The following PDE4D variants were observed in gnomAD, a reference collection of about 807,000 sequenced individuals.
PDE4D encodes the protein phosphodiesterase 4D.
A neutral mutation model predicts 87.4 loss-of-function variants in PDE4D; 24 were observed. The ratio of observed to expected loss-of-function variants is 0.27; its 90% CI spans 0.20 to 0.39. PDE4D has a LOEUF of 0.39. Among genes scored for constraint, PDE4D ranks in the 10% least tolerant of loss-of-function variants. PDE4D has a pLI of 1.00. For missense variants in PDE4D, 714 were observed against 1,041.0 expected (o/e 0.69, Z 4.32); for synonymous variants, 384 against 383.2 (o/e 1.00, Z -0.02).
At chr5:59,423,035 T>C (rs1794698802) in intron 1 of PDE4D, among the ~76,000 whole-genome samples, 1 of 152,174 alleles carries the variant, frequency 6.6e-6, no homozygotes, top group African/African-American at 2.4e-5. Flanking sequence ...CTCTCCAAAA[T>C]GAAATAAAGA....
At chr5:59,609,546 A>G (rs1828707323) in intron 1 of PDE4D, among the ~76,000 whole-genome samples, 1 of 152,168 alleles carries the variant, frequency 6.6e-6, no homozygotes, top group African/African-American at 2.4e-5. Context: ...TTCTGCCACA[A>G]TGACTGGGAA....
At chr5:59,009,751 T>C (rs566949998) in intron 6 of PDE4D, among the ~76,000 whole-genome samples, 1 of 152,164 alleles carries the variant, frequency 6.6e-6, no homozygotes, top group South Asian at 2.1e-4. Flanking sequence ...ACTATACCTC[T>C]AGAAAGAGTA....
rs78402168 is a variant in PDE4D at position 59,759,179 on chromosome 5, T to C, written c.455+133989A>G. The stretch of plus-strand genomic sequence containing the variant: ...GAAAAAAAAAGTGCTGAAACTCCTT[T>C]AGTTATCTGAATACATAGGAGCTTT... On this transcript the variant is annotated intron_variant, in intron 1 of 14. Transcript: ENST00000340635. Among the ~76,000 whole-genome samples the C allele has an allele frequency of 4.1e-3, 620 of 152,270 alleles. 5 individuals carry two copies. The highest frequency in any genetic ancestry group is 0.014 in the African/African-American group (583 of 41,572).
intron 6 of PDE4D, among the ~76,000 whole-genome samples, chr5:58,996,538 T>C (rs775787888): frequency 3.3e-5 from 5 of 152,198 alleles, no homozygotes; most frequent in Non-Finnish European, 5.9e-5. Flanking sequence ...CTCAGCAGTC[T>C]ATACAGGAAC....
intron 5 of PDE4D, among the ~76,000 whole-genome samples, chr5:59,135,720 C>A (rs1025743350): frequency 8.0e-6 from 1 of 125,018 alleles, no homozygotes; most frequent in Non-Finnish European, 1.7e-5. Flanking sequence ...ATAGGGACAT[C>A]ATTTTGAACA....
At chr5:59,168,746 T>C (rs1336422210) in intron 5 of PDE4D, among the ~76,000 whole-genome samples, 3 of 152,212 alleles carry the variant, frequency 2.0e-5, no homozygotes, top group African/African-American at 2.4e-5. Context: ...GAATAACTTT[T>C]GAGGACCAGC....
intron 2 of PDE4D, among the ~76,000 whole-genome samples, chr5:60,005,468 CCA>C (rs147174384): frequency 3.3e-5 from 5 of 150,620 alleles, no homozygotes; most frequent in South Asian, 2.1e-4. Context: ...TTAATCCTTA[CCA>C]CACACACACA....
chr5:59,144,903 GGGA>G (rs1485632104), intron 5 of PDE4D, among the ~76,000 whole-genome samples: 1 of 131,008 alleles, frequency 7.6e-6, no homozygotes, highest in East Asian at 2.8e-4. Flanking sequence ...GGGGGGGGGG[GGGA>G]ACCATCCAGA....
At chr5:59,050,779 C>T (rs577915735) in intron 5 of PDE4D, among the ~76,000 whole-genome samples, 13 of 152,206 alleles carry the variant, frequency 8.5e-5, no homozygotes, top group Non-Finnish European at 1.5e-4. Flanking sequence ...TTTAAAAGAC[C>T]TGAGCACATT....
chr5:60,035,213 G>A (rs993574520), intron 2 of PDE4D, among the ~76,000 whole-genome samples: 19 of 150,174 alleles, frequency 1.3e-4, no homozygotes, highest in East Asian at 3.9e-4. Flanking sequence ...TTGAAATGGC[G>A]CCACTGCACA....
intron 1 of PDE4D, among the ~76,000 whole-genome samples, chr5:59,287,580 A>C (rs576057343): frequency 6.6e-6 from 1 of 152,192 alleles, no homozygotes; most frequent in Non-Finnish European, 1.5e-5. Flanking sequence ...GGCAGGAGCC[A>C]AGCAGTGGTT....
chr5:60,431,310 C>T (rs535064007), intron 1 of PDE4D, among the ~76,000 whole-genome samples: 5 of 151,638 alleles, frequency 3.3e-5, no homozygotes, highest in Admixed American at 2.0e-4. Flanking sequence ...CTCCTCACTT[C>T]TCAGACGGGG....
intron 2 of PDE4D, among the ~76,000 whole-genome samples, chr5:60,112,441 A>G (rs1410844006): frequency 6.6e-6 from 1 of 152,098 alleles, no homozygotes; most frequent in Non-Finnish European, 1.5e-5. Flanking sequence ...AGTATGATAA[A>G]CAACATGACT....
Position 59,039,512 on chromosome 5 carries a change from C to A in PDE4D, c.809-541G>T, listed in dbSNP as rs774610094. On this transcript the variant is annotated intron_variant, in intron 5 of 14. Coordinates refer to ENST00000340635, the MANE Select transcript of PDE4D (RefSeq NM_001104631.2). ...GCCGCGGCCGGGTGCGCGGCCACCACGTTTCCTGTTTTCTTTCTCAACTCC... is the reference window on the plus strand; with the variant it reads ...GCCGCGGCCGGGTGCGCGGCCACCAAGTTTCCTGTTTTCTTTCTCAACTCC... 5.4e-4 allele frequency: 533 copies of A among 985,814 alleles called. 1 individual carries two copies. Among genetic ancestry groups the A allele is most frequent in the Non-Finnish European group, 6.2e-4 (511 of 830,214 alleles). The allele number at this position is 985,814 out of a possible 1,614,324, so 61.1% of individuals were successfully genotyped here. A position where few individuals can be genotyped will look rare whatever the true frequency, so the allele number is the denominator to read the frequency against.
chr5:59,776,725 CATA>C (rs879256590), intron 1 of PDE4D, among the ~76,000 whole-genome samples: 21 of 152,064 alleles, frequency 1.4e-4, no homozygotes, highest in Admixed American at 7.9e-4. Flanking sequence ...TTCACTGTTA[CATA>C]ATAAGTCAAA....
chr5:59,948,512 G>C (rs573189703), intron 3 of PDE4D, among the ~76,000 whole-genome samples: 6 of 152,298 alleles, frequency 3.9e-5, no homozygotes, highest in African/African-American at 1.2e-4. Context: ...ATGGCTTGCT[G>C]TTCTTATATA....
At chr5:59,180,762 C>A in intron 4 of PDE4D, 118 bp from the exon 5 acceptor site, 1 of 969,326 alleles carries the variant, frequency 1.0e-6, no homozygotes, top group African/African-American at 1.6e-5. Context: ...AGTTTGGACA[C>A]GCAAATGATT....
Position 59,611,265 on chromosome 5 carries a change from A to G in PDE4D, c.455+281903T>C, listed in dbSNP as rs559700773. ...CTGCAAGCTCACAAGGCTCAAGGGG[A>G]AAAGGATCTAGGCTTCTTTCATAAG... is the stretch of plus-strand genomic sequence containing the variant. On this transcript the variant is annotated intron_variant, in intron 1 of 14. Coordinates refer to ENST00000340635, the MANE Select transcript of PDE4D (RefSeq NM_001104631.2). Among the ~76,000 whole-genome samples the G allele has an allele frequency of 2.0e-5, 3 of 152,264 alleles. 1 individual carries two copies. The South Asian group carries it at 6.2e-4, about 32-fold the overall frequency.
chr5:59,440,431 A>C (rs1240947288), intron 1 of PDE4D, among the ~76,000 whole-genome samples: 1 of 152,232 alleles, frequency 6.6e-6, no homozygotes, highest in Non-Finnish European at 1.5e-5. Context: ...TAACAATTAC[A>C]ACTAATATCT....
Sources: gnomAD v4.1 joint callset for allele counts (sites outside exome capture counted in the v4.1 genomes callset) on GRCh38, gnomAD v4.1.1 for gene constraint, MANE v1.5 for transcripts, NCBI Gene and HGNC (gene_info 2026-07-23, HGNC 2026-07-21) for gene names.